The following STARD13 variants were observed in gnomAD, a reference collection of about 807,000 sequenced individuals.
The protein encoded by STARD13 is stAR-related lipid transfer protein 13.
In STARD13, 62 loss-of-function variants were observed where a neutral mutation model predicts 106.4. The observed-to-expected ratio is 0.58, with a 90% confidence interval of 0.48 to 0.72. STARD13 has a LOEUF of 0.72. Among genes scored for constraint, STARD13 ranks in the 30% least tolerant of loss-of-function variants. The pLI, the probability that STARD13 is intolerant of heterozygous loss-of-function variation, is 0.00. For missense variants in STARD13, 1,387 were observed against 1,424.0 expected (o/e 0.97, Z 0.42); for synonymous variants, 565 against 553.0 (o/e 1.02, Z -0.31).
chr13:33,400,671 G>A, the STARD13 span, among the ~76,000 whole-genome samples: 1 of 152,068 alleles, frequency 6.6e-6, no homozygotes, highest in African/African-American at 2.4e-5. Flanking sequence ...CACTGTGTTA[G>A]CCAGGATGGT....
At chr13:33,571,193 C>A in the STARD13 span, among the ~76,000 whole-genome samples, 1 of 152,150 alleles carries the variant, frequency 6.6e-6, no homozygotes, top group East Asian at 1.9e-4. Flanking sequence ...GATTCCATCA[C>A]AACGGATTTC....
At chr13:33,614,248 G>A in the STARD13 span, among the ~76,000 whole-genome samples, 30 of 115,918 alleles carry the variant, frequency 2.6e-4, no homozygotes, top group African/African-American at 9.5e-4. Context: ...TAAATAGACC[G>A]TATCTCTATG....
At chr13:33,676,282 A>G in the STARD13 span, among the ~76,000 whole-genome samples, 1 of 152,190 alleles carries the variant, frequency 6.6e-6, no homozygotes, top group Non-Finnish European at 1.5e-5. Flanking sequence ...ATTTGGTTAC[A>G]GTTGCACTGG....
At chr13:33,156,606 G>A (rs1882017535) in intron 3 of STARD13, among the ~76,000 whole-genome samples, 2 of 152,078 alleles carry the variant, frequency 1.3e-5, no homozygotes, top group Non-Finnish European at 2.9e-5. Flanking sequence ...GCTGTTAGTG[G>A]GCACATTCTT....
intron 3 of STARD13, among the ~76,000 whole-genome samples, chr13:33,150,252 C>T (rs1410466219): frequency 6.6e-6 from 1 of 152,178 alleles, no homozygotes; most frequent in Non-Finnish European, 1.5e-5. Context: ...AATTATTCTC[C>T]ACCACTGAGT....
At chr13:33,298,143 T>A in intron 1 of STARD13, among the ~76,000 whole-genome samples, 1 of 141,538 alleles carries the variant, frequency 7.1e-6, no homozygotes, top group Admixed American at 7.2e-5. Flanking sequence ...TTTTTTTTTT[T>A]TTTTGAGATA....
upstream of STARD13, among the ~76,000 whole-genome samples, chr13:33,287,955 C>G (rs1892139616): frequency 1.3e-5 from 2 of 152,032 alleles, no homozygotes; most frequent in African/African-American, 4.8e-5. Flanking sequence ...CTTTTTATAG[C>G]TTTGGAGAGC....
At chr13:33,626,315 C>T in the STARD13 span, among the ~76,000 whole-genome samples, 11 of 152,228 alleles carry the variant, frequency 7.2e-5, no homozygotes, top group African/African-American at 2.2e-4. Flanking sequence ...CAGTACCTCA[C>T]GCTTGACCTC....
chr13:33,198,095 G>T (rs978174035), intron 1 of STARD13, among the ~76,000 whole-genome samples: 33 of 152,262 alleles, frequency 2.2e-4, no homozygotes, highest in African/African-American at 6.7e-4. Context: ...TTGAACCCAG[G>T]AGGCGGAGGT....
chr13:33,502,915 T>A, the STARD13 span, among the ~76,000 whole-genome samples: 1 of 152,158 alleles, frequency 6.6e-6, no homozygotes, highest in African/African-American at 2.4e-5. Context: ...TTAGGGAGGA[T>A]TCCCTCTTTT....
At chr13:33,426,491 C>T in the STARD13 span, among the ~76,000 whole-genome samples, 60 of 152,186 alleles carry the variant, frequency 3.9e-4, 1 homozygote, top group Admixed American at 3.9e-3. Flanking sequence ...CTTTCACTTA[C>T]CTGTAACTCT....
the STARD13 span, among the ~76,000 whole-genome samples, chr13:33,448,935 TTTG>T: frequency 6.6e-5 from 10 of 152,168 alleles, no homozygotes; most frequent in African/African-American, 1.9e-4. Context: ...TAATTGAGTT[TTTG>T]TTGTTGTTGT....
At position 33,129,113 on chromosome 13, in the gene STARD13, C is replaced by T. The variant is rs760787635; in HGVS notation, c.1564G>A (p.Gly522Ser). The stretch of plus-strand genomic sequence containing the variant: ...TTAGGAGATGGAAAGGTGGATAAGC[C>T]AGGTTCCCCAACCAATGTATCATGA... Reference protein sequence around the residue: ...QTHDTLVGEPGLSTFPSPNQI... With the variant: ...QTHDTLVGEPSLSTFPSPNQI... Residue 522 changes from glycine to serine, a missense_variant, in exon 5 of 14, where the codon GGC becomes AGC. By Grantham distance (56) the Gly-to-Ser change is moderately conservative. Coordinates refer to ENST00000336934, the MANE Select transcript of STARD13 (RefSeq NM_178006.4). 1.2e-6 allele frequency: 2 copies of T among 1,614,024 alleles called. No individual in the cohort carries two copies. Among genetic ancestry groups the T allele is most frequent in the East Asian group, 2.2e-5 (1 of 44,894 alleles).
chr13:33,511,400 T>C, the STARD13 span: 1 of 152,162 alleles, frequency 6.6e-6, no homozygotes, highest in Non-Finnish European at 1.5e-5. Flanking sequence ...AATTGTTGAT[T>C]TAAAAATCTG....
At chr13:33,187,449 C>G (rs1264371200) in intron 1 of STARD13, among the ~76,000 whole-genome samples, 1 of 152,118 alleles carries the variant, frequency 6.6e-6, no homozygotes, top group Non-Finnish European at 1.5e-5. Flanking sequence ...GCAAATTCAT[C>G]AGTCTTACAT....
At chr13:33,645,923 T>C in the STARD13 span, among the ~76,000 whole-genome samples, 2 of 152,148 alleles carry the variant, frequency 1.3e-5, no homozygotes, top group Non-Finnish European at 2.9e-5. Context: ...CTGACAACTA[T>C]TGCAACTAAT....
intron 4 of STARD13, 103 bp downstream of exon 4, chr13:33,142,207 A>AT (rs1347667843): frequency 5.7e-6 from 5 of 877,578 alleles, no homozygotes; most frequent in Non-Finnish European, 9.2e-6. Context: ...TATTATTATT[A>AT]TTTTTTTGTA....
intron 1 of STARD13, among the ~76,000 whole-genome samples, chr13:33,326,174 TGTAGAGAATCATTTTAAATAG>T (rs1176737479): frequency 1.3e-5 from 2 of 151,978 alleles, no homozygotes; most frequent in Non-Finnish European, 2.9e-5. Flanking sequence ...AATCACAGGA[TGTAGAGAATCATTTTAAATAG>T]GTAGCACAAA....
rs990684519 is a variant in STARD13 at position 33,219,025 on chromosome 13, C to A, written c.170-51403G>T. Among the ~76,000 whole-genome samples, 5 of 152,136 alleles carry A rather than the reference C, an allele frequency of 3.3e-5. 1 individual carries two copies. The highest frequency in any genetic ancestry group is 2.6e-4 in the Admixed American group (4 of 15,274). Reference sequence around the variant, plus strand: ...CCTGGAAATCTACAGGGCGTCTTCCCTTTCTAATTTTAAAAATATAACAAT... The same window carrying A: ...CCTGGAAATCTACAGGGCGTCTTCCATTTCTAATTTTAAAAATATAACAAT... On this transcript the variant is annotated intron_variant, in intron 1 of 13. Transcript: ENST00000336934.
Sources: gnomAD v4.1 joint callset for allele counts (sites outside exome capture counted in the v4.1 genomes callset) on GRCh38, gnomAD v4.1.1 for gene constraint, MANE v1.5 for transcripts, NCBI Gene and HGNC (gene_info 2026-07-23, HGNC 2026-07-21) for gene names.